The following GARNL3 variants were observed in gnomAD, a reference collection of about 807,000 sequenced individuals.
The protein encoded by GARNL3 is GTPase-activating Rap/Ran-GAP domain-like protein 3.
A neutral mutation model predicts 125.0 loss-of-function variants in GARNL3; 63 were observed. The observed-to-expected ratio is 0.50, with a 90% CI of 0.41 to 0.62. GARNL3 has a LOEUF of 0.62. GARNL3 is among the 20% of genes least tolerant of loss of function. The pLI, the probability that GARNL3 is intolerant of heterozygous loss-of-function variation, is 0.00. For missense variants in GARNL3, 994 were observed against 1,244.0 expected, an observed-to-expected ratio of 0.80 and a Z score of 3.02; for synonymous variants, 439 against 457.5, an observed-to-expected ratio of 0.96 and a Z score of 0.52.
intron 6 of GARNL3, among the ~76,000 whole-genome samples, chr9:127,323,516 T>C (rs1353374104): frequency 1.3e-5 from 2 of 152,188 alleles, no homozygotes; most frequent in African/African-American, 2.4e-5. Flanking sequence ...CAGCCTCTAT[T>C]ACCAGGCCAG....
chr9:127,354,149 T>C, intron 18 of GARNL3, 145 bp from the exon 19 acceptor site: 1 of 690,768 alleles, frequency 1.4e-6, no homozygotes, highest in Non-Finnish European at 2.5e-6. Context: ...CGTAATTGCA[T>C]TGTCAGGTTA....
intron 1 of GARNL3, among the ~76,000 whole-genome samples, chr9:127,288,995 A>G (rs192654642): frequency 5.1e-4 from 78 of 152,280 alleles, no homozygotes; most frequent in Non-Finnish European, 9.7e-4. Flanking sequence ...TCCAGATGTC[A>G]TCTCAGAATG....
chr9:127,224,895 T>G, intron 1 of GARNL3, among the ~76,000 whole-genome samples: 1 of 58,238 alleles, frequency 1.7e-5, no homozygotes, highest in South Asian at 7.7e-4. Flanking sequence ...GGAGGGGCGT[T>G]ACCGGAGCGC....
intron 1 of GARNL3, among the ~76,000 whole-genome samples, chr9:127,240,326 C>T (rs1172821643): frequency 6.6e-6 from 1 of 152,158 alleles, no homozygotes; most frequent in African/African-American, 2.4e-5. Flanking sequence ...GTGCCATGCA[C>T]CGCCAGCCCT....
chr9:127,375,982 C>T (rs1356060277), intron 22 of GARNL3, among the ~76,000 whole-genome samples: 1 of 152,154 alleles, frequency 6.6e-6, no homozygotes, highest in Non-Finnish European at 1.5e-5. Flanking sequence ...GTTTGTGAGA[C>T]AGAGTCTTAC....
At chr9:127,264,114 A>AT, upstream of GARNL3, 1 of 691,528 alleles carries the variant, frequency 1.4e-6, no homozygotes, top group Non-Finnish European at 2.3e-6. Flanking sequence ...TGCATGACAT[A>AT]TTAGAATCAA....
chr9:127,277,436 C>T (rs1373835715), intron 1 of GARNL3, among the ~76,000 whole-genome samples: 1 of 150,086 alleles, frequency 6.7e-6, no homozygotes, highest in Non-Finnish European at 1.5e-5. Flanking sequence ...ATGTAATTAA[C>T]CTAATCCTGG....
intron 1 of GARNL3, chr9:127,225,254 C>T (rs2062884904): frequency 1.4e-5 from 9 of 633,464 alleles, no homozygotes; most frequent in Non-Finnish European, 1.8e-5. Context: ...AGCCGAGCGG[C>T]CGGCCGAGGC....
chr9:127,324,986 A>G, intron 6 of GARNL3, 83 bp from the exon 7 acceptor site: 2 of 1,391,148 alleles, frequency 1.4e-6, no homozygotes, highest in Non-Finnish European at 2.0e-6. Flanking sequence ...GTGTGAGCAA[A>G]CCAAAGCTTG....
At chr9:127,329,902 CAG>C (rs1170985019) in intron 7 of GARNL3, among the ~76,000 whole-genome samples, 1 of 152,130 alleles carries the variant, frequency 6.6e-6, no homozygotes, top group Non-Finnish European at 1.5e-5. Context: ...GTTTATGGCT[CAG>C]AGTTATGGTC....
At chr9:127,225,563 G>A (rs2062893013) in intron 1 of GARNL3, among the ~76,000 whole-genome samples, 1 of 151,556 alleles carries the variant, frequency 6.6e-6, no homozygotes, top group Non-Finnish European at 1.5e-5. Flanking sequence ...GTGGGCTGTG[G>A]GAGGGGCCGG....
At chr9:127,345,337 A>G (rs1157011993) in intron 15 of GARNL3, 66 bp from the exon 16 acceptor site, 10 of 979,080 alleles carry the variant, frequency 1.0e-5, no homozygotes, top group South Asian at 1.8e-5. Context: ...TTGTCAAATC[A>G]CAATTGTTTA....
intron 22 of GARNL3, among the ~76,000 whole-genome samples, chr9:127,366,139 T>C (rs1430359399): frequency 1.3e-5 from 2 of 152,212 alleles, no homozygotes; most frequent in Non-Finnish European, 2.9e-5. Flanking sequence ...CGGCCTAGGA[T>C]TTTATCAATT....
At chr9:127,366,732 G>A (rs1191019312) in intron 22 of GARNL3, 4 of 152,232 alleles carry the variant, frequency 2.6e-5, no homozygotes, top group African/African-American at 9.6e-5. Context: ...AAGAGGGCAT[G>A]GAAACAAATG....
intron 12 of GARNL3, 102 bp from the exon 13 acceptor site, chr9:127,339,543 A>T: frequency 1.3e-6 from 1 of 794,536 alleles, no homozygotes. Flanking sequence ...CACCCATGGC[A>T]TGTGGGAATT....
chr9:127,308,493 C>T (rs931093035), intron 2 of GARNL3, among the ~76,000 whole-genome samples: 1 of 151,998 alleles, frequency 6.6e-6, no homozygotes, highest in African/African-American at 2.4e-5. Context: ...ACACAATTTG[C>T]CCATGTAACA....
At chr9:127,331,720 C>CTTGCTTTT (rs367597623) in intron 7 of GARNL3, among the ~76,000 whole-genome samples, 10 of 74,410 alleles carry the variant, frequency 1.3e-4, no homozygotes, top group African/African-American at 4.8e-4. Context: ...CTTGGGCTTG[C>CTTGCTTTT]TTTTTTTTTT....
intron 22 of GARNL3, among the ~76,000 whole-genome samples, chr9:127,375,152 G>C (rs917444657): frequency 6.6e-6 from 1 of 152,128 alleles, no homozygotes; most frequent in Non-Finnish European, 1.5e-5. Flanking sequence ...TCCACTTCTA[G>C]GAATGGATGC....
intron 6 of GARNL3, among the ~76,000 whole-genome samples, chr9:127,323,082 A>G (rs1057045905): frequency 6.6e-6 from 1 of 152,170 alleles, no homozygotes; most frequent in Non-Finnish European, 1.5e-5. Flanking sequence ...CCCAAATCTC[A>G]TATATATGAA....
Sources: allele counts gnomAD v4.1 joint callset (sites outside exome capture counted in the v4.1 genomes callset), GRCh38; gene constraint gnomAD v4.1.1; transcripts MANE v1.5; gene names NCBI Gene and HGNC (gene_info 2026-07-23, HGNC 2026-07-21).